The following LYPD6 variants were observed in gnomAD, a reference collection of about 807,000 sequenced individuals.
LYPD6 encodes the protein LY6/PLAUR domain containing 6.
A neutral mutation model predicts 22.7 loss-of-function variants in LYPD6; 15 were observed. The observed-to-expected ratio is 0.66, with a 90% CI of 0.44 to 1.02. The LOEUF (loss-of-function observed/expected upper bound fraction) is 1.02, where lower values mean the gene tolerates loss of function less well. LYPD6 is among the 50% of genes least tolerant of loss of function. The pLI, the probability that LYPD6 is intolerant of heterozygous loss-of-function variation, is 0.00. For missense variants in LYPD6, 189 were observed against 208.4 expected, an observed-to-expected ratio of 0.91 and a Z score of 0.57; for synonymous variants, 72 against 77.5, an observed-to-expected ratio of 0.93 and a Z score of 0.37.
Position 149,437,784 on chromosome 2 carries a change from C to A in LYPD6, c.76C>A (p.Arg26=). 6.2e-7 allele frequency: 1 copy of A among 1,614,144 alleles called. No homozygotes were observed. Among genetic ancestry groups the A allele is most frequent in the South Asian group, 1.1e-5 (1 of 91,072 alleles). The change falls in exon 2 of 5, where the codon CGA becomes AGA. Residue 26 remains arginine, a synonymous_variant. Transcript: ENST00000334166. The stretch of plus-strand genomic sequence containing the variant: ...GGATTGTCTGAAAGCTGCTCAGTCC[C>A]GAGACTTCACAGTGAAAGACATTAT... ...LADCLKAAQS[R]DFTVKDIIYL... is the part of the protein sequence containing the mutation.
intron 1 of LYPD6, among the ~76,000 whole-genome samples, chr2:149,408,319 T>C (rs1365672019): frequency 6.6e-6 from 1 of 152,196 alleles, no homozygotes; most frequent in Non-Finnish European, 1.5e-5. Flanking sequence ...ACCTGATACT[T>C]TTGCCTCACA....
intron 1 of LYPD6, among the ~76,000 whole-genome samples, chr2:149,356,449 C>T (rs1681450824): frequency 6.6e-6 from 1 of 152,206 alleles, no homozygotes; most frequent in African/African-American, 2.4e-5. Context: ...TACATGGACA[C>T]ATCACCTCAG....
chr2:149,340,549 T>G (rs1681140252), intron 1 of LYPD6, among the ~76,000 whole-genome samples: 1 of 152,152 alleles, frequency 6.6e-6, no homozygotes, highest in Admixed American at 6.6e-5. Context: ...TGTGTGACCT[T>G]GGGCAAGTTA....
chr2:149,346,269 C>T (rs1004833165), intron 1 of LYPD6, among the ~76,000 whole-genome samples: 2 of 151,976 alleles, frequency 1.3e-5, no homozygotes, highest in African/African-American at 2.4e-5. Flanking sequence ...TAAAAAAATG[C>T]ATAAAGTTAA....
chr2:149,431,894 C>T (rs1311034149), intron 1 of LYPD6, among the ~76,000 whole-genome samples: 2 of 152,106 alleles, frequency 1.3e-5, no homozygotes, highest in Non-Finnish European at 2.9e-5. Flanking sequence ...GAATATAGAA[C>T]TCTTACAACT....
chr2:149,451,997 G>A (rs1308666806), intron 3 of LYPD6, among the ~76,000 whole-genome samples: 2 of 152,170 alleles, frequency 1.3e-5, no homozygotes, highest in African/African-American at 4.8e-5. Flanking sequence ...GAGCTACTGG[G>A]GACTGAGGTA....
At chr2:149,420,477 T>C (rs1340857280) in intron 1 of LYPD6, among the ~76,000 whole-genome samples, 1 of 152,212 alleles carries the variant, frequency 6.6e-6, no homozygotes, top group East Asian at 1.9e-4. Flanking sequence ...ACATTTTCTC[T>C]TTTGTTGTCA....
intron 1 of LYPD6, among the ~76,000 whole-genome samples, chr2:149,422,953 C>T (rs1416918457): frequency 6.6e-5 from 10 of 152,114 alleles, no homozygotes; most frequent in Admixed American, 6.5e-4. Flanking sequence ...TTTCTCTAAG[C>T]CCTTTTATTT....
rs772115323 is a variant in LYPD6 at position 149,449,165 on chromosome 2, T to A, written c.217+18T>A. The A allele has an allele frequency of 1.8e-5, 29 of 1,582,628 alleles. 1 individual carries two copies. Among genetic ancestry groups the A allele is most frequent in the Admixed American group, 1.5e-4 (9 of 59,286 alleles). ...CCCTCGAGGTAAACTCTCAGTAGAC[T>A]GATTGGGGTCCCCTGGGCTGTCCGT... On this transcript the variant is annotated intron_variant, in intron 3 of 4. Transcript: ENST00000334166.
At chr2:149,426,585 C>G (rs1377741225) in intron 1 of LYPD6, among the ~76,000 whole-genome samples, 1 of 152,202 alleles carries the variant, frequency 6.6e-6, no homozygotes, top group Non-Finnish European at 1.5e-5. Flanking sequence ...CTGGCTTCCT[C>G]CTGTCCCCAG....
chr2:149,468,535 A>G, intron 3 of LYPD6, 110 bp from the exon 4 acceptor site: 1 of 1,254,588 alleles, frequency 8.0e-7, no homozygotes. Flanking sequence ...TGCACATCTT[A>G]TGTGCTATTA....
At chr2:149,418,403 T>A (rs975042972) in intron 1 of LYPD6, among the ~76,000 whole-genome samples, 3 of 151,280 alleles carry the variant, frequency 2.0e-5, no homozygotes, top group African/African-American at 7.4e-5. Flanking sequence ...GCTCACGCAT[T>A]ATCTAGAACA....
intron 1 of LYPD6, among the ~76,000 whole-genome samples, chr2:149,348,506 T>C (rs1049010806): frequency 6.6e-6 from 1 of 152,152 alleles, no homozygotes; most frequent in Non-Finnish European, 1.5e-5. Flanking sequence ...AGGACCTCTG[T>C]GGGAAGAGCC....
intron 1 of LYPD6, among the ~76,000 whole-genome samples, chr2:149,342,027 A>G (rs1446219021): frequency 1.3e-5 from 2 of 152,180 alleles, no homozygotes; most frequent in Non-Finnish European, 2.9e-5. Flanking sequence ...GAACAAATGA[A>G]TACCACAAGC....
intron 3 of LYPD6, among the ~76,000 whole-genome samples, chr2:149,455,576 T>G (rs1203618853): frequency 6.6e-6 from 1 of 152,152 alleles, no homozygotes; most frequent in Non-Finnish European, 1.5e-5. Context: ...GTTTTTAACC[T>G]TAAGTCCTAT....
At chr2:149,411,576 G>A (rs1682849580) in intron 1 of LYPD6, among the ~76,000 whole-genome samples, 1 of 152,160 alleles carries the variant, frequency 6.6e-6, no homozygotes, top group Non-Finnish European at 1.5e-5. Flanking sequence ...GGTTGGCAGT[G>A]TGGGGTGCGA....
intron 1 of LYPD6, among the ~76,000 whole-genome samples, chr2:149,414,711 T>G (rs1185953526): frequency 6.6e-6 from 1 of 152,228 alleles, no homozygotes; most frequent in South Asian, 2.1e-4. Context: ...TTGGTGAAGT[T>G]AATATATTCT....
chr2:149,467,355 A>C (rs994813374), intron 3 of LYPD6, among the ~76,000 whole-genome samples: 15 of 152,164 alleles, frequency 9.9e-5, no homozygotes, highest in African/African-American at 2.4e-5. Flanking sequence ...CACCACTGGG[A>C]AAGTGGCAGC....
chr2:149,333,022 A>G (rs1680968407), intron 1 of LYPD6, among the ~76,000 whole-genome samples: 1 of 152,244 alleles, frequency 6.6e-6, no homozygotes, highest in Non-Finnish European at 1.5e-5. Flanking sequence ...TATTTTATAA[A>G]CACACTCCTT....
Sources: gnomAD v4.1 joint callset for allele counts (sites outside exome capture counted in the v4.1 genomes callset) on GRCh38, gnomAD v4.1.1 for gene constraint, MANE v1.5 for transcripts, NCBI Gene and HGNC (gene_info 2026-07-23, HGNC 2026-07-21) for gene names.